SLC9B1: variants seen among roughly 807,000 people sequenced by gnomAD.
SLC9B1 encodes sodium/hydrogen exchanger 9B1.
A neutral mutation model predicts 51.7 loss-of-function variants in SLC9B1; 32 were observed. That is an observed-to-expected ratio of 0.62 (90% CI 0.47 to 0.83). The LOEUF is 0.83. Among genes scored for constraint, SLC9B1 ranks in the 40% least tolerant of loss-of-function variants. SLC9B1 has a pLI of 0.00. For missense variants in SLC9B1, 406 were observed against 613.2 expected, an observed-to-expected ratio of 0.66 and a Z score of 3.57; for synonymous variants, 145 against 212.7, an observed-to-expected ratio of 0.68 and a Z score of 2.77.
intron 7 of SLC9B1, among the ~76,000 whole-genome samples, chr4:102,916,192 A>G (rs1159502918): frequency 6.6e-6 from 1 of 152,236 alleles, no homozygotes; most frequent in Non-Finnish European, 1.5e-5. Flanking sequence ...ACTATATGCA[A>G]GAGACTTACA....
intron 7 of SLC9B1, among the ~76,000 whole-genome samples, chr4:102,930,991 G>A (rs560358049): frequency 3.9e-5 from 6 of 151,954 alleles, no homozygotes; most frequent in Admixed American, 3.9e-4. Flanking sequence ...TTGGGAGGCC[G>A]AGGCGGGCGG....
intron 7 of SLC9B1, among the ~76,000 whole-genome samples, chr4:102,929,933 G>A (rs1182663598): frequency 6.6e-6 from 1 of 152,180 alleles, no homozygotes; most frequent in East Asian, 1.9e-4. Context: ...TTTAACTTCT[G>A]AATGGTAAAA....
At position 102,908,680 on chromosome 4, in the gene SLC9B1, CCTT is replaced by C. The variant is rs1297098912; in HGVS notation, c.1086+1756_1086+1758del. ...ATGTTATAATCTTCAGTGAGAAAGTCCTTCTTAAATGAGATGCAGAATCCAAAA... is the reference window on the plus strand; with the variant it reads ...ATGTTATAATCTTCAGTGAGAAAGTCCTTAAATGAGATGCAGAATCCAAAA... On this transcript the variant is annotated intron_variant, in intron 9 of 11. Coordinates refer to ENST00000296422, the MANE Select transcript of SLC9B1 (RefSeq NM_139173.4). Among the ~76,000 whole-genome samples, 6 of 152,398 alleles carry C rather than the reference CCTT, an allele frequency of 3.9e-5. No homozygotes were observed. In the East Asian group the frequency reaches 1.2e-3, roughly 29 times the overall value.
chr4:103,008,321 T>A (rs2110538075), intron 1 of SLC9B1, among the ~76,000 whole-genome samples: 1 of 152,302 alleles, frequency 6.6e-6, no homozygotes, highest in Non-Finnish European at 1.5e-5. Flanking sequence ...ATTTTCACCT[T>A]GGTTTTTTAG....
intron 3 of SLC9B1, among the ~76,000 whole-genome samples, chr4:102,949,869 G>C (rs1737458140): frequency 6.6e-6 from 1 of 152,078 alleles, no homozygotes; most frequent in Admixed American, 6.6e-5. Context: ...GCTGGGTCAG[G>C]AGAATTGCTT....
chr4:102,907,210 T>A (rs984282835), intron 9 of SLC9B1, among the ~76,000 whole-genome samples: 7 of 152,114 alleles, frequency 4.6e-5, no homozygotes, highest in African/African-American at 7.2e-5. Flanking sequence ...GTCCTTAGGG[T>A]TCTAGCCATG....
intron 1 of SLC9B1, among the ~76,000 whole-genome samples, chr4:103,011,265 AAT>A (rs1207996754): frequency 1.3e-5 from 2 of 152,212 alleles, no homozygotes; most frequent in South Asian, 4.1e-4. Flanking sequence ...GAGACTTGAG[AAT>A]AATCTTCTTT....
At chr4:102,996,925 T>TAC (rs140283400) in intron 1 of SLC9B1, among the ~76,000 whole-genome samples, 279 of 151,664 alleles carry the variant, frequency 1.8e-3, no homozygotes, top group African/African-American at 6.5e-3. Flanking sequence ...TAGCTGGGAC[T>TAC]ACAGCCACAA....
In SLC9B1 at chr4:102,982,149, T is replaced by C. The variant is rs146836358; in HGVS notation, c.211+7651A>G. ...GGTCCATATGTTTTGTCATGATGTATAGTTGAAAAGATTATGTTTGCTCCA... is the reference window on the plus strand; with the variant it reads ...GGTCCATATGTTTTGTCATGATGTACAGTTGAAAAGATTATGTTTGCTCCA... On this transcript the variant is annotated intron_variant, in intron 3 of 11. Coordinates refer to ENST00000296422, the MANE Select transcript of SLC9B1 (RefSeq NM_139173.4). Among the ~76,000 whole-genome samples the C allele has an allele frequency of 5.6e-4, 85 of 152,194 alleles. 1 individual carries two copies. The highest frequency in any genetic ancestry group is 1.1e-3 in the Non-Finnish European group (72 of 67,982).
At chr4:102,938,056 G>A (rs1260190623) in intron 6 of SLC9B1, among the ~76,000 whole-genome samples, 1 of 151,964 alleles carries the variant, frequency 6.6e-6, no homozygotes, top group Non-Finnish European at 1.5e-5. Context: ...CAGTATAAAC[G>A]CCCCACTTAA....
At chr4:102,968,888 G>T (rs1331034970) in intron 3 of SLC9B1, among the ~76,000 whole-genome samples, 1 of 152,190 alleles carries the variant, frequency 6.6e-6, no homozygotes, top group Non-Finnish European at 1.5e-5. Flanking sequence ...TATATCCCCT[G>T]CCTGGCTCGG....
intron 1 of SLC9B1, among the ~76,000 whole-genome samples, chr4:102,993,822 G>T (rs554300715): frequency 6.6e-6 from 1 of 152,214 alleles, no homozygotes; most frequent in Non-Finnish European, 1.5e-5. Context: ...CTAACACCAC[G>T]TGTAAGCTGC....
intron 3 of SLC9B1, among the ~76,000 whole-genome samples, chr4:102,967,418 G>C (rs1738486828): frequency 6.6e-6 from 1 of 152,192 alleles, no homozygotes; most frequent in East Asian, 1.9e-4. Context: ...ACCGGAGACT[G>C]AGTAATTTAT....
At chr4:102,986,115 G>C (rs1234400178) in intron 3 of SLC9B1, among the ~76,000 whole-genome samples, 1 of 152,018 alleles carries the variant, frequency 6.6e-6, no homozygotes, top group Non-Finnish European at 1.5e-5. Flanking sequence ...TCTCTCTGAA[G>C]ACCATCTTTT....
chr4:102,887,559 T>A lies in SLC9B1; in HGVS notation c.1333-2231A>T, dbSNP rs1443389929. 1.1e-5 allele frequency: 6 copies of A among 569,954 alleles called. No individual in the cohort carries two copies. The African/African-American group carries it at 1.1e-4, about 11-fold the overall frequency. 35.3% of individuals were successfully genotyped at this position (569,954 alleles called of 1,614,324 possible). On this transcript the variant is annotated intron_variant, in intron 11 of 11. Coordinates refer to the SLC9B1 transcript ENST00000394789. ...TTCCTGCACTACTGTTTGTATTTGA[T>A]CCTTTGTCTATTCAGTCACTTAATT...
chr4:102,899,211 A>G (rs1734675103), downstream of SLC9B1, among the ~76,000 whole-genome samples: 1 of 151,262 alleles, frequency 6.6e-6, no homozygotes, highest in African/African-American at 2.4e-5. Context: ...TCAGTATAAT[A>G]AACATATATC....
chr4:102,908,441 T>C (rs1482384595), intron 9 of SLC9B1, among the ~76,000 whole-genome samples: 2 of 152,296 alleles, frequency 1.3e-5, no homozygotes, highest in Non-Finnish European at 2.9e-5. Flanking sequence ...TCTATCTCTG[T>C]TCAGTTAACT....
At chr4:102,919,653 G>T (rs1735763560) in intron 7 of SLC9B1, among the ~76,000 whole-genome samples, 1 of 152,196 alleles carries the variant, frequency 6.6e-6, no homozygotes, top group Admixed American at 6.5e-5. Context: ...CCCTTTCCTA[G>T]CCAAGGGAAG....
chr4:103,019,080 AG>A (rs1741590249), intron 1 of SLC9B1, among the ~76,000 whole-genome samples: 2 of 152,006 alleles, frequency 1.3e-5, no homozygotes, highest in African/African-American at 2.4e-5. Flanking sequence ...GGTGCCAAAA[AG>A]GTTGGGGACT....
Sources: allele counts gnomAD v4.1 joint callset (sites outside exome capture counted in the v4.1 genomes callset), GRCh38; gene constraint gnomAD v4.1.1; transcripts MANE v1.5; gene names NCBI Gene and HGNC (gene_info 2026-07-23, HGNC 2026-07-21).